The following SLC38A8 variants were observed in gnomAD, a reference collection of about 807,000 sequenced individuals.
The protein encoded by SLC38A8 is amino acid transporter SLC38A8.
In SLC38A8, 65 loss-of-function variants were observed where a neutral mutation model predicts 46.0. The observed-to-expected ratio is 1.41, with a 90% CI of 1.16 to 1.74. SLC38A8 has a LOEUF of 1.74. Among genes scored for constraint, SLC38A8 ranks in the 40% most tolerant of loss-of-function variants. The probability of loss-of-function intolerance (pLI) is 0.00; values close to 1 mark genes in which losing one functional copy is unlikely to be tolerated. For synonymous variants in SLC38A8, 447 were observed against 243.7 expected (o/e 1.83, Z -7.77); for missense variants, 998 against 567.9 (o/e 1.76, Z -7.70).
intron 9 of SLC38A8, among the ~76,000 whole-genome samples, chr16:84,013,589 C>T (rs1297918629): frequency 1.3e-5 from 2 of 151,866 alleles, no homozygotes; most frequent in African/African-American, 2.4e-5. Context: ...TGCCACCACA[C>T]CCCGCTCATT....
rs1436685098 is a variant in SLC38A8, at chr16:84,023,666, G to A, written c.691-777C>T. 3.3e-5 allele frequency among the ~76,000 whole-genome samples: 5 copies of A among 152,136 alleles called. No individual in the cohort carries two copies. In the East Asian group the frequency reaches 9.7e-4, roughly 29 times the overall value. ...CCCAGCACTTTGGGAGGCCGAAGGGGGCAGATCACTTGAGGTCAGGAGTTT... is the reference window on the plus strand; with the variant it reads ...CCCAGCACTTTGGGAGGCCGAAGGGAGCAGATCACTTGAGGTCAGGAGTTT... On this transcript the variant is annotated intron_variant, in intron 6 of 10. Transcript: ENST00000299709.
Position 84,036,779 on chromosome 16 carries a change from C to A in SLC38A8, c.311G>T (p.Cys104Phe). The A allele has an allele frequency of 1.9e-6, 3 of 1,614,222 alleles. No homozygotes were observed. Among genetic ancestry groups the A allele is most frequent in the Non-Finnish European group, 2.5e-6 (3 of 1,180,040 alleles). ...GLCGPAIGKL[C>F]EACFLLNLLM... ...CAGGTTGAGGAGGAAGCAGGCCTCA[C>A]ACAGCTTCCCAATGGCAGGGCCACA... Residue 104 changes from cysteine to phenylalanine, a missense_variant, in exon 3 of 11, where the codon TGT becomes TTT. Cys to Phe is a radical substitution (Grantham distance 205). Transcript: ENST00000299709.
intron 10 of SLC38A8, among the ~76,000 whole-genome samples, chr16:84,011,271 ACTGTTGTGAG>A (rs1305988808): frequency 1.3e-5 from 2 of 152,182 alleles, no homozygotes; most frequent in Non-Finnish European, 2.9e-5. Flanking sequence ...ATCAGTAAAA[ACTGTTGTGAG>A]CTCAGATCAA....
chr16:84,038,478 A>G (rs77888785), intron 2 of SLC38A8, among the ~76,000 whole-genome samples: 11,123 of 152,154 alleles, frequency 0.073, 572 homozygotes, highest in Non-Finnish European at 0.11. Context: ...ATGGATCAGC[A>G]TTTTGAAGCA....
In SLC38A8 at chr16:84,016,698, C is replaced by G; in HGVS notation, c.983G>C (p.Ser328Thr). Residue 328 changes from serine to threonine, a missense_variant, in exon 9 of 11, where the codon AGC becomes ACC. Physicochemically the swap from Ser to Thr is moderately conservative, Grantham distance 58 (BLOSUM62 1). Transcript: ENST00000299709. The stretch of plus-strand genomic sequence containing the variant: ...GCTGGGCCCCCATCCCCCCAAGCAG[C>G]TCCTCCTCCAGAAGTCCTGCATCAC... ...RSVMQDFWRR[S>T]CLGGWGPSAL... The G allele has an allele frequency of 6.2e-7, 1 of 1,613,222 alleles. No homozygotes were observed. Among genetic ancestry groups the G allele is most frequent in the Non-Finnish European group, 8.5e-7 (1 of 1,179,928 alleles).
intron 3 of SLC38A8, among the ~76,000 whole-genome samples, chr16:84,035,398 G>C (rs1042453139): frequency 6.6e-6 from 1 of 152,152 alleles, no homozygotes; most frequent in Non-Finnish European, 1.5e-5. Flanking sequence ...GAGACACACA[G>C]AACACACACA....
intron 6 of SLC38A8, among the ~76,000 whole-genome samples, chr16:84,026,057 C>T (rs2085160584): frequency 6.6e-6 from 1 of 152,262 alleles, no homozygotes; most frequent in Non-Finnish European, 1.5e-5. Context: ...GCTCTGCCTT[C>T]AGGGCACGGC....
rs2085346802 is a variant in SLC38A8, at chr16:84,039,752, A to C, written c.189+2217T>G. ...AAGAGAGTGAGACCTTCAAAAAAAA[A>C]AAAAAAAAAAAAAAAAGGCAGGGGA... On this transcript the variant is annotated intron_variant, in intron 2 of 10. Transcript: ENST00000299709. 3.5e-5 allele frequency among the ~76,000 whole-genome samples: 4 copies of C among 115,420 alleles called. No individual in the cohort carries two copies. In the South Asian group the frequency reaches 7.6e-4, roughly 22 times the overall value. 75.7% of individuals were successfully genotyped at this position (115,420 alleles called of 152,430 possible).
At chr16:84,012,600 G>A (rs566997354) in intron 10 of SLC38A8, among the ~76,000 whole-genome samples, 3 of 152,182 alleles carry the variant, frequency 2.0e-5, no homozygotes, top group Admixed American at 6.5e-5. Context: ...GAGGAGCCTG[G>A]GAACAGCGAC....
intron 3 of SLC38A8, among the ~76,000 whole-genome samples, chr16:84,035,602 C>T (rs886260310): frequency 1.3e-5 from 2 of 152,120 alleles, no homozygotes; most frequent in Admixed American, 6.5e-5. Context: ...CATATAAACA[C>T]ATTTAACAAA....
At chr16:84,031,472 C>A (rs1465620823) in intron 5 of SLC38A8, among the ~76,000 whole-genome samples, 1 of 152,218 alleles carries the variant, frequency 6.6e-6, no homozygotes, top group African/African-American at 2.4e-5. Flanking sequence ...GACATCCCCG[C>A]CCATGCTCTC....
chr16:84,028,697 GC>G (rs1319326432), intron 6 of SLC38A8, among the ~76,000 whole-genome samples: 1 of 51,568 alleles, frequency 1.9e-5, no homozygotes, highest in East Asian at 4.7e-4. Flanking sequence ...TGCCCCCCCT[GC>G]CCCGCCACCT....
In SLC38A8 at chr16:84,009,695, A is replaced by T; in HGVS notation, c.*89T>A. The T allele has an allele frequency of 8.9e-7, 1 of 1,128,254 alleles. No individual in the cohort carries two copies. Among genetic ancestry groups the T allele is most frequent in the Non-Finnish European group, 1.3e-6 (1 of 791,492 alleles). 69.9% of individuals were successfully genotyped at this position (1,128,254 alleles called of 1,614,324 possible). On this transcript the variant is annotated 3_prime_UTR_variant, in exon 11 of 11. Coordinates refer to ENST00000299709, the MANE Select transcript of SLC38A8 (RefSeq NM_001080442.3). ...GTCTCTCCAGCATCTTTATGAGGAAAAGAAATGGCATCGGTCTCCTGGCTG... is the reference window on the plus strand; with the variant it reads ...GTCTCTCCAGCATCTTTATGAGGAATAGAAATGGCATCGGTCTCCTGGCTG...
intron 7 of SLC38A8, among the ~76,000 whole-genome samples, chr16:84,019,547 A>T (rs936769152): frequency 6.6e-6 from 1 of 152,210 alleles, no homozygotes; most frequent in African/African-American, 2.4e-5. Context: ...AATTTCAACA[A>T]GAGTTTTGGA....
At chr16:84,012,532 G>A (rs74032382) in intron 10 of SLC38A8, among the ~76,000 whole-genome samples, 9,869 of 152,268 alleles carry the variant, frequency 0.065, 349 homozygotes, top group Middle Eastern at 0.12. Flanking sequence ...GTAGGATGAA[G>A]ACATGTGGGT....
intron 10 of SLC38A8, among the ~76,000 whole-genome samples, chr16:84,011,721 C>G (rs903226950): frequency 6.6e-6 from 1 of 152,056 alleles, no homozygotes; most frequent in Non-Finnish European, 1.5e-5. Flanking sequence ...GGTAGGTATC[C>G]TTATAAAAGA....
At chr16:84,024,256 G>A (rs1201094608) in intron 6 of SLC38A8, among the ~76,000 whole-genome samples, 4 of 152,204 alleles carry the variant, frequency 2.6e-5, no homozygotes, top group Non-Finnish European at 4.4e-5. Flanking sequence ...AAAAGGTCAT[G>A]AAGGGGTTCC....
intron 6 of SLC38A8, among the ~76,000 whole-genome samples, chr16:84,024,332 G>A (rs1028802099): frequency 1.3e-5 from 2 of 152,138 alleles, no homozygotes; most frequent in African/African-American, 2.4e-5. Context: ...TATGTGACAT[G>A]CCATATTGGG....
At chr16:84,024,461 G>T (rs374273940) in intron 6 of SLC38A8, among the ~76,000 whole-genome samples, 7 of 151,920 alleles carry the variant, frequency 4.6e-5, no homozygotes, top group Non-Finnish European at 1.0e-4. Context: ...TTACAAGTAC[G>T]AGCCACCATG....
Sources: allele counts gnomAD v4.1 joint callset (sites outside exome capture counted in the v4.1 genomes callset), GRCh38; gene constraint gnomAD v4.1.1; transcripts MANE v1.5; gene names NCBI Gene and HGNC (gene_info 2026-07-23, HGNC 2026-07-21).